Variants in CPLANE1 observed in about 807,000 individuals in gnomAD.
The protein encoded by CPLANE1 is ciliogenesis and planar polarity effector 1.
CPLANE1 carries 263 observed loss-of-function variants against 362.5 expected under a neutral mutation model. The observed-to-expected ratio is 0.73, with a 90% CI of 0.66 to 0.80. The LOEUF is 0.80. Ranked by LOEUF, CPLANE1 falls within the 30% of genes least tolerant of loss-of-function variation. CPLANE1 has a pLI of 0.00. For missense variants in CPLANE1, 3,461 were observed against 3,793.4 expected (o/e 0.91, Z 2.30); for synonymous variants, 1,212 against 1,302.6 (o/e 0.93, Z 1.50).
At chr5:37,207,907 G>GTT (rs143674763) in intron 16 of CPLANE1, among the ~76,000 whole-genome samples, 1 of 151,152 alleles carries the variant, frequency 6.6e-6, no homozygotes, top group African/African-American at 2.4e-5. Flanking sequence ...TCCTTCTCTA[G>GTT]TTTTTTTTTG....
chr5:37,171,493 G>A (rs1779771494), intron 32 of CPLANE1, among the ~76,000 whole-genome samples: 1 of 152,178 alleles, frequency 6.6e-6, no homozygotes, highest in Admixed American at 6.5e-5. Context: ...ACTTGTGAAA[G>A]TAAGGCAGGA....
chr5:37,136,505 C>G (rs1473097408), intron 46 of CPLANE1, among the ~76,000 whole-genome samples: 1 of 152,180 alleles, frequency 6.6e-6, no homozygotes, highest in African/African-American at 2.4e-5. Context: ...GGTAAATCTA[C>G]CATTCTGGGG....
chr5:37,163,222 G>A (rs558358106), intron 37 of CPLANE1, among the ~76,000 whole-genome samples: 2 of 152,268 alleles, frequency 1.3e-5, no homozygotes, highest in Non-Finnish European at 2.9e-5. Flanking sequence ...TAATGGTGAG[G>A]GATGGGGAAA....
intron 16 of CPLANE1, among the ~76,000 whole-genome samples, chr5:37,208,800 A>G (rs962101356): frequency 2.0e-5 from 3 of 148,876 alleles, no homozygotes; most frequent in South Asian, 2.1e-4. Context: ...AATTCTCTCC[A>G]TAACAGTTAT....
In CPLANE1 at chr5:37,226,477, T is replaced by G. The variant is rs1365168023; in HGVS notation, c.2118A>C (p.Gln706His). Residue 706 changes from glutamine (Q) to histidine (H), a missense_variant, in exon 12 of 53, where the codon CAA (glutamine) becomes CAC (histidine). Coordinates refer to ENST00000651892, the MANE Select transcript of CPLANE1 (RefSeq NM_001384732.1). ...CAGCTGATGCTGAAATAACTTCAGGTTGAAGAATGTATACACCATTTAAAT... is the reference window on the plus strand; with the variant it reads ...CAGCTGATGCTGAAATAACTTCAGGGTGAAGAATGTATACACCATTTAAAT... The part of the protein sequence containing the change: ...ADNLNGVYIL[Q>H]PEVISASADG... The G allele has an allele frequency of 6.4e-7, 1 of 1,550,810 alleles. No homozygotes were observed. Among genetic ancestry groups the G allele is most frequent in the Non-Finnish European group, 8.7e-7 (1 of 1,146,704 alleles).
chr5:37,090,630 C>T, the CPLANE1 span, among the ~76,000 whole-genome samples: 1 of 152,140 alleles, frequency 6.6e-6, no homozygotes, highest in Non-Finnish European at 1.5e-5. Context: ...AATGCTTTAA[C>T]ACTGTTTACT....
rs937425763 is a variant in CPLANE1 at position 37,106,643 on chromosome 5, T to C, written c.*959A>G. On this transcript the variant is annotated 3_prime_UTR_variant, in exon 53 of 53. Coordinates refer to ENST00000651892, the MANE Select transcript of CPLANE1 (RefSeq NM_001384732.1). ...TTGTTTTATAGTTCTACAAATCTCT[T>C]TAATGTTTAGCTTGATAGAAGGCAG... The C allele has an allele frequency of 2.8e-6, 1 of 354,332 alleles. No individual in the cohort carries two copies. Among genetic ancestry groups the C allele is most frequent in the Middle Eastern group, 1.4e-3 (1 of 718 alleles). 21.9% of individuals were successfully genotyped at this position (354,332 alleles called of 1,614,324 possible).
At chr5:37,210,158 G>C in intron 16 of CPLANE1, 1 of 1,150,576 alleles carries the variant, frequency 8.7e-7, no homozygotes, top group East Asian at 2.3e-5. Flanking sequence ...TTCGGGAAAA[G>C]AGCACCCTTG....
chr5:37,176,377 T>C (rs1249188201), intron 30 of CPLANE1, among the ~76,000 whole-genome samples: 1 of 152,038 alleles, frequency 6.6e-6, no homozygotes, highest in Non-Finnish European at 1.5e-5. Context: ...GGCTCACGAC[T>C]GTAATCCCAG....
At chr5:37,175,178 A>G (rs1281044550) in intron 31 of CPLANE1, among the ~76,000 whole-genome samples, 1 of 152,158 alleles carries the variant, frequency 6.6e-6, no homozygotes, top group Admixed American at 6.5e-5. Flanking sequence ...GGGTGCATTC[A>G]TGCTTGCACA....
chr5:37,176,045 T>C, intron 30 of CPLANE1, 59 bp from the exon 31 acceptor site: 1 of 1,122,912 alleles, frequency 8.9e-7, no homozygotes, highest in Non-Finnish European at 1.4e-6. Flanking sequence ...TTATCTAAGG[T>C]ATGAGTGATC....
intron 15 of CPLANE1, among the ~76,000 whole-genome samples, chr5:37,217,835 C>G (rs1409752694): frequency 6.6e-6 from 1 of 151,412 alleles, no homozygotes; most frequent in East Asian, 1.9e-4. Flanking sequence ...AAAAAATTAG[C>G]CAGGTGTGGT....
Position 37,209,423 on chromosome 5 carries a change from CA to C in CPLANE1, c.2921-2999del. The C allele has an allele frequency of 3.1e-6, 4 of 1,294,080 alleles. No homozygotes were observed. The highest frequency in any genetic ancestry group is 4.5e-6 in the Non-Finnish European group (4 of 890,814). 80.2% of individuals were successfully genotyped at this position (1,294,080 alleles called of 1,614,324 possible). A position where few individuals can be genotyped will look rare whatever the true frequency, so the allele number is the denominator to read the frequency against. The stretch of plus-strand genomic sequence containing the variant: ...ATGTGTTGAGTCAAAATGAACTGCG[CA>C]AAAAGCTATACCAGACATTTAAGGA... On this transcript the variant is annotated intron_variant, in intron 16 of 52. Coordinates refer to ENST00000651892, the MANE Select transcript of CPLANE1 (RefSeq NM_001384732.1). The surrounding 1 kb of genome is among the most constrained non-coding windows in gnomAD (Gnocchi z 4.6).
chr5:37,115,545 G>A (rs886852784), intron 50 of CPLANE1, among the ~76,000 whole-genome samples: 2 of 151,506 alleles, frequency 1.3e-5, no homozygotes, highest in African/African-American at 4.9e-5. Flanking sequence ...ATCAGCAGCA[G>A]AGCTGGGATA....
At chr5:37,097,319 G>A in the CPLANE1 span, among the ~76,000 whole-genome samples, 56 of 151,814 alleles carry the variant, frequency 3.7e-4, no homozygotes, top group East Asian at 7.4e-3. Context: ...AAAAAACCCC[G>A]AAAACAACAA....
In CPLANE1 at chr5:37,209,998, G is replaced by T; in HGVS notation, c.2920+3561C>A. 1.1e-6 allele frequency: 1 copy of T among 880,734 alleles called. No homozygotes were observed. Among genetic ancestry groups the T allele is most frequent in the Non-Finnish European group, 1.9e-6 (1 of 529,050 alleles). 54.6% of individuals were successfully genotyped at this position (880,734 alleles called of 1,614,324 possible). ...AAGAGAGAAATAGAAGAGCAACTTC[G>T]GGAAGAAATATGTCAAAAGTTGAAG... On this transcript the variant is annotated intron_variant, in intron 16 of 52. Transcript: ENST00000651892. The surrounding 1 kb of genome is among the most constrained non-coding windows in gnomAD (Gnocchi z 4.6).
Position 37,175,798 on chromosome 5 carries a change from T to G in CPLANE1, c.5978+111A>C, listed in dbSNP as rs530525180. The G allele has an allele frequency of 2.1e-5, 15 of 727,732 alleles. No homozygotes were observed. The Middle Eastern group carries it at 1.2e-3, about 56-fold the overall frequency. 45.1% of individuals were successfully genotyped at this position (727,732 alleles called of 1,614,324 possible). ...TATGTTGCTTTCATTTTTCTTAGTT[T>G]TTAGTCAAAATGTAGCAATTGTTTC... On this transcript the variant is annotated intron_variant, in intron 31 of 52. Coordinates refer to ENST00000651892, the MANE Select transcript of CPLANE1 (RefSeq NM_001384732.1).
chr5:37,180,821 CTT>C (rs772734965), intron 27 of CPLANE1, 34 bp downstream of exon 27: 15 of 1,598,162 alleles, frequency 9.4e-6, no homozygotes, highest in Non-Finnish European at 1.2e-5. Flanking sequence ...AACTACATGT[CTT>C]ATATTGAAAA....
In CPLANE1 at chr5:37,135,888, C is replaced by T. The variant is rs770462249; in HGVS notation, c.8792+2832G>A. 4.6e-4 allele frequency among the ~76,000 whole-genome samples: 70 copies of T among 151,806 alleles called. 1 individual carries two copies. The highest frequency in any genetic ancestry group is 5.2e-4 in the Admixed American group (8 of 15,248). ...TCGTGAAATAGTGTTTTTACTATCACGAGAACAGGATGGGGCAAAACACCT... is the reference window on the plus strand; with the variant it reads ...TCGTGAAATAGTGTTTTTACTATCATGAGAACAGGATGGGGCAAAACACCT... On this transcript the variant is annotated intron_variant, in intron 46 of 52. Coordinates refer to ENST00000651892, the MANE Select transcript of CPLANE1 (RefSeq NM_001384732.1).
Sources: gnomAD v4.1 joint callset for allele counts (sites outside exome capture counted in the v4.1 genomes callset) on GRCh38, gnomAD v4.1.1 for gene constraint, Gnocchi (gnomAD v3.1) non-coding constraint, MANE v1.5 for transcripts, NCBI Gene and HGNC (gene_info 2026-07-23, HGNC 2026-07-21) for gene names.